Variants in CNTN1 observed in about 807,000 individuals in gnomAD.
CNTN1 encodes contactin-1.
A neutral mutation model predicts 126.4 loss-of-function variants in CNTN1; 38 were observed. The observed-to-expected ratio is 0.30, with a 90% CI of 0.23 to 0.39. The LOEUF (loss-of-function observed/expected upper bound fraction) is 0.39, where lower values mean the gene tolerates loss of function less well. Among genes scored for constraint, CNTN1 ranks in the 10% least tolerant of loss-of-function variants. The pLI, the probability that CNTN1 is intolerant of heterozygous loss-of-function variation, is 1.00. For missense variants in CNTN1, 1,009 were observed against 1,248.4 expected, an observed-to-expected ratio of 0.81 and a Z score of 2.89; for synonymous variants, 413 against 422.6, an observed-to-expected ratio of 0.98 and a Z score of 0.28.
chr12:41,042,746 A>G (rs1949445108), intron 23 of CNTN1, among the ~76,000 whole-genome samples: 1 of 152,202 alleles, frequency 6.6e-6, no homozygotes, highest in African/African-American at 2.4e-5. Flanking sequence ...CTGACTTCAA[A>G]CTATACTACA....
chr12:40,901,711 T>C (rs930004747), intron 1 of CNTN1, among the ~76,000 whole-genome samples: 1 of 152,196 alleles, frequency 6.6e-6, no homozygotes, highest in African/African-American at 2.4e-5. Context: ...TTGAACAACA[T>C]ATTTTATTCT....
chr12:40,871,397 T>G (rs920085870), intron 1 of CNTN1, among the ~76,000 whole-genome samples: 1 of 152,108 alleles, frequency 6.6e-6, no homozygotes, highest in South Asian at 2.1e-4. Context: ...AAGATCATTC[T>G]AAGCAATTTT....
At position 40,933,740 on chromosome 12, in the gene CNTN1, C is replaced by A; in HGVS notation, c.847C>A (p.Pro283Thr). 6.2e-7 allele frequency: 1 copy of A among 1,612,782 alleles called. No individual in the cohort carries two copies. The highest frequency in any genetic ancestry group is 2.2e-5 in the East Asian group (1 of 44,840). ...ATGGCGGAAGGTTCTAGAACCAATG[C>A]CAAGCACTGCTGAGATTAGCACCTC... ...IRWRKVLEPM[P>T]STAEISTSGA... The change falls in exon 9 of 24, where the codon CCA becomes ACA. Residue 283 changes from proline to threonine, a missense_variant. Transcript: ENST00000551295.
At chr12:41,030,263 A>T (rs1453813879) in intron 23 of CNTN1, among the ~76,000 whole-genome samples, 1 of 152,092 alleles carries the variant, frequency 6.6e-6, no homozygotes, top group Non-Finnish European at 1.5e-5. Flanking sequence ...AACCAACAAA[A>T]AATCCTTTAC....
Position 40,988,295 on chromosome 12 carries a change from C to T in CNTN1, c.1964-4825C>T, listed in dbSNP as rs528866421. Among the ~76,000 whole-genome samples the T allele has an allele frequency of 1.8e-3, 281 of 152,202 alleles. 1 individual carries two copies. Among genetic ancestry groups the T allele is most frequent in the Non-Finnish European group, 3.1e-3 (208 of 68,002 alleles). On this transcript the variant is annotated intron_variant, in intron 16 of 23. Coordinates refer to ENST00000551295, the MANE Select transcript of CNTN1 (RefSeq NM_001843.4). ...TGAGTAGGTTTGTTCTGCGTACTTACAAATATTTGGGTTTTAGATTGAAAT... is the reference window on the plus strand; with the variant it reads ...TGAGTAGGTTTGTTCTGCGTACTTATAAATATTTGGGTTTTAGATTGAAAT...
At chr12:40,830,926 TATACATATAC>T (rs72055130) in intron 1 of CNTN1, among the ~76,000 whole-genome samples, 44,766 of 99,466 alleles carry the variant, frequency 0.45, 8,032 homozygotes, top group East Asian at 0.61. Flanking sequence ...GGTAGTTACA[TATACATATAC>T]ATATATATAT....
intron 17 of CNTN1, among the ~76,000 whole-genome samples, chr12:41,009,584 C>T (rs555791716): frequency 6.6e-6 from 1 of 152,122 alleles, no homozygotes; most frequent in Non-Finnish European, 1.5e-5. Flanking sequence ...TGACTATGGC[C>T]TCAGTGAGAT....
chr12:40,930,025 T>G (rs1198898570), intron 7 of CNTN1, 23 bp downstream of exon 7: 1 of 1,551,056 alleles, frequency 6.4e-7, no homozygotes, highest in African/African-American at 1.4e-5. Flanking sequence ...TTTGTTACAC[T>G]CTGTTTTCGC....
intron 1 of CNTN1, among the ~76,000 whole-genome samples, chr12:40,855,910 C>T (rs757600998): frequency 9.9e-5 from 15 of 152,172 alleles, no homozygotes; most frequent in African/African-American, 2.9e-4. Flanking sequence ...GCTTGACTTA[C>T]GAAATAATTT....
At chr12:41,026,026 G>A (rs1003275402) in intron 21 of CNTN1, among the ~76,000 whole-genome samples, 3 of 152,192 alleles carry the variant, frequency 2.0e-5, no homozygotes, top group African/African-American at 7.2e-5. Context: ...CTCTCCCAGT[G>A]AGATGACAGA....
In CNTN1 at chr12:41,070,041, TTG is replaced by T. The variant is rs1950131146; in HGVS notation, c.*9_*10del. 1 of 1,613,126 alleles carries T rather than the reference TTG, an allele frequency of 6.2e-7. No individual in the cohort carries two copies. The highest frequency in any genetic ancestry group is 1.3e-5 in the African/African-American group (1 of 74,908). On this transcript the variant is annotated 3_prime_UTR_variant, in exon 24 of 24. Transcript: ENST00000551295. ...TTGTCTACTTGGAATTCTGAATGTG[TTG>T]TGACAGCTGCTGTTCCCATCCCAGC...
At chr12:40,918,792 T>A in intron 4 of CNTN1, 21 bp downstream of exon 4, 1 of 1,613,122 alleles carries the variant, frequency 6.2e-7, no homozygotes, top group Non-Finnish European at 8.5e-7. Context: ...TCGCTTCTCT[T>A]TTCAGAGTGG....
intron 1 of CNTN1, among the ~76,000 whole-genome samples, chr12:40,787,288 C>CTA (rs567968654): frequency 6.6e-5 from 10 of 152,106 alleles, no homozygotes; most frequent in Non-Finnish European, 1.3e-4. Flanking sequence ...GACTTGGCAG[C>CTA]TATCATCAAT....
intron 1 of CNTN1, among the ~76,000 whole-genome samples, chr12:40,782,380 C>T (rs1458636840): frequency 6.6e-6 from 1 of 151,676 alleles, no homozygotes; most frequent in African/African-American, 2.4e-5. Flanking sequence ...ATGCCAAAAC[C>T]TTATATAATA....
At chr12:40,942,790 A>G (rs1242721009) in intron 12 of CNTN1, among the ~76,000 whole-genome samples, 4 of 152,142 alleles carry the variant, frequency 2.6e-5, no homozygotes, top group African/African-American at 9.7e-5. Context: ...AAAGGAAAGG[A>G]AATCCTGGAC....
At chr12:40,852,770 C>T (rs1350399045) in intron 1 of CNTN1, among the ~76,000 whole-genome samples, 1 of 152,012 alleles carries the variant, frequency 6.6e-6, no homozygotes, top group African/African-American at 2.4e-5. Flanking sequence ...TGTGTGAAAA[C>T]TTTATGTATC....
intron 1 of CNTN1, among the ~76,000 whole-genome samples, chr12:40,887,767 A>G (rs1217957063): frequency 6.6e-6 from 1 of 152,110 alleles, no homozygotes; most frequent in African/African-American, 2.4e-5. Context: ...ACCAACCCAA[A>G]TGTCCAACAA....
At chr12:40,879,059 A>G (rs1030953316) in intron 1 of CNTN1, among the ~76,000 whole-genome samples, 2 of 152,188 alleles carry the variant, frequency 1.3e-5, no homozygotes, top group Non-Finnish European at 2.9e-5. Flanking sequence ...CACATATCCC[A>G]GCCTTGGTTT....
intron 1 of CNTN1, among the ~76,000 whole-genome samples, chr12:40,837,464 A>T (rs1181777033): frequency 6.6e-6 from 1 of 152,174 alleles, no homozygotes; most frequent in East Asian, 1.9e-4. Flanking sequence ...AGAACCCCTT[A>T]TTATTCTCAA....
Sources: allele counts gnomAD v4.1 joint callset (sites outside exome capture counted in the v4.1 genomes callset), GRCh38; gene constraint gnomAD v4.1.1; transcripts MANE v1.5; gene names NCBI Gene and HGNC (gene_info 2026-07-23, HGNC 2026-07-21).